CNKSR2: variants seen among roughly 807,000 people sequenced by gnomAD.
The protein encoded by CNKSR2 is connector enhancer of kinase suppressor of Ras 2.
In CNKSR2, 14 loss-of-function variants were observed where a neutral mutation model predicts 84.4. The ratio of observed to expected loss-of-function variants is 0.17; its 90% CI spans 0.11 to 0.26. The LOEUF (loss-of-function observed/expected upper bound fraction) is 0.26. CNKSR2 is among the 10% of genes least tolerant of loss of function. The probability of loss-of-function intolerance (pLI) is 1.00; values close to 1 mark genes in which losing one functional copy is unlikely to be tolerated. For synonymous variants in CNKSR2, 275 were observed against 277.9 expected (o/e 0.99, Z 0.10); for missense variants, 485 against 771.2 (o/e 0.63, Z 4.40).
rs370035060 is a variant in CNKSR2, at chrX:21,441,590, A to G, written c.519+809A>G. On this transcript the variant is annotated intron_variant, in intron 4 of 21. Coordinates refer to ENST00000379510, the MANE Select transcript of CNKSR2 (RefSeq NM_014927.5). Reference sequence around the variant, plus strand: ...TTGCCAAAGGAACACAGCTTAGACAAATACTGAAATTATACTTTAAAATAA... The same window carrying G: ...TTGCCAAAGGAACACAGCTTAGACAGATACTGAAATTATACTTTAAAATAA... Among the ~76,000 whole-genome samples the G allele has an allele frequency of 1.2e-4, 13 of 112,048 alleles. 1 individual carries two copies. The East Asian group carries it at 2.0e-3, about 17-fold the overall frequency.
chrX:21,606,831 A>G lies in CNKSR2; in HGVS notation c.2097A>G (p.Lys699=). Residue 699 remains lysine, a synonymous_variant, in exon 19 of 22, where the codon AAA becomes AAG. Coordinates refer to ENST00000379510, the MANE Select transcript of CNKSR2 (RefSeq NM_014927.5). ...KEEADTPSTP[K]QDSPPPPYDT... ...AAGCAGATACTCCATCAACACCAAA[A>G]CAAGATAGCCCTCCACCCCCATATG... 8.3e-7 allele frequency: 1 copy of G among 1,203,675 alleles called. No homozygotes were observed. The highest frequency in any genetic ancestry group is 1.1e-6 in the Non-Finnish European group (1 of 889,202).
chrX:21,482,961 A>G (rs2091337762), intron 5 of CNKSR2, among the ~76,000 whole-genome samples: 1 of 112,078 alleles, frequency 8.9e-6, no homozygotes, highest in Non-Finnish European at 1.9e-5. Context: ...TTCTCAAGCT[A>G]TTTGAAAATC....
intron 1 of CNKSR2, among the ~76,000 whole-genome samples, chrX:21,388,463 C>T (rs750050316): frequency 4.5e-5 from 5 of 111,231 alleles, no homozygotes; most frequent in East Asian, 2.8e-4. Context: ...AGGGAATATG[C>T]GAGAAGAGCC....
chrX:21,477,316 T>C (rs1238829088), intron 5 of CNKSR2, among the ~76,000 whole-genome samples: 1 of 111,984 alleles, frequency 8.9e-6, no homozygotes, highest in Non-Finnish European at 1.9e-5. Context: ...CAAATGCCTA[T>C]TTTATTATTT....
chrX:21,462,096 A>G (rs2091068275), intron 4 of CNKSR2, among the ~76,000 whole-genome samples: 1 of 111,403 alleles, frequency 9.0e-6, no homozygotes, highest in Non-Finnish European at 1.9e-5. Context: ...GTATTTTGAT[A>G]GGGATTGCAT....
At chrX:21,409,320 T>G (rs1271989281) in intron 1 of CNKSR2, among the ~76,000 whole-genome samples, 2 of 92,146 alleles carry the variant, frequency 2.2e-5, no homozygotes, top group Non-Finnish European at 4.3e-5. Flanking sequence ...TAGTCAAGGT[T>G]TGCTATCCAC....
At chrX:21,508,015 TA>T (rs1273279998) in intron 8 of CNKSR2, among the ~76,000 whole-genome samples, 2 of 112,106 alleles carry the variant, frequency 1.8e-5, no homozygotes, top group Non-Finnish European at 3.8e-5. Context: ...AATATCTTCA[TA>T]AAAAAATTAG....
At chrX:21,379,385 C>G (rs1223834655) in intron 1 of CNKSR2, among the ~76,000 whole-genome samples, 3 of 111,785 alleles carry the variant, frequency 2.7e-5, no homozygotes, top group African/African-American at 9.7e-5. Context: ...CTTTTGAAAA[C>G]TTAGGGTTTT....
intron 4 of CNKSR2, among the ~76,000 whole-genome samples, chrX:21,450,155 A>T (rs955111457): frequency 9.0e-6 from 1 of 110,978 alleles, no homozygotes; most frequent in African/African-American, 3.3e-5. Context: ...GGTAGGTTTC[A>T]GTGGGGGACA....
At chrX:21,429,269 ATG>A (rs1251619070) in intron 2 of CNKSR2, 1 of 112,136 alleles carries the variant, frequency 8.9e-6, no homozygotes, top group East Asian at 2.8e-4. Context: ...AGTAACATAT[ATG>A]ACAAACACAG....
intron 11 of CNKSR2, among the ~76,000 whole-genome samples, chrX:21,552,153 A>G (rs1196714571): frequency 9.0e-6 from 1 of 111,137 alleles, no homozygotes; most frequent in Non-Finnish European, 1.9e-5. Context: ...AAATAGGGCT[A>G]TTCATGTTAG....
At chrX:21,472,939 C>T (rs2091216229) in intron 5 of CNKSR2, among the ~76,000 whole-genome samples, 1 of 109,614 alleles carries the variant, frequency 9.1e-6, no homozygotes, top group African/African-American at 3.3e-5. Flanking sequence ...TAAGTAATAG[C>T]CAAATTTTAA....
At chrX:21,516,406 A>C in intron 8 of CNKSR2, 79 bp from the exon 9 acceptor site, 1 of 1,003,317 alleles carries the variant, frequency 1.0e-6, no homozygotes. Flanking sequence ...TTTTTTTACT[A>C]ATCTTATTAA....
intron 20 of CNKSR2, among the ~76,000 whole-genome samples, chrX:21,617,187 G>A (rs1210204110): frequency 9.0e-6 from 1 of 111,239 alleles, no homozygotes; most frequent in Non-Finnish European, 1.9e-5. Flanking sequence ...TCAAAAAAAA[G>A]CAAATCACTT....
chrX:21,412,287 C>T (rs1347263642), intron 1 of CNKSR2, among the ~76,000 whole-genome samples: 1 of 112,025 alleles, frequency 8.9e-6, no homozygotes, highest in Non-Finnish European at 1.9e-5. Context: ...TCCTCTTGCC[C>T]GTGGGCAAGT....
At chrX:21,415,833 T>TACATATATAC (rs1295643561) in intron 1 of CNKSR2, among the ~76,000 whole-genome samples, 3 of 88,214 alleles carry the variant, frequency 3.4e-5, no homozygotes, top group Non-Finnish European at 6.5e-5. Flanking sequence ...TATACATATA[T>TACATATATAC]ACACACACAC....
At chrX:21,633,958 A>T (rs2092658780) in intron 20 of CNKSR2, among the ~76,000 whole-genome samples, 1 of 112,475 alleles carries the variant, frequency 8.9e-6, no homozygotes, top group Non-Finnish European at 1.9e-5. Flanking sequence ...CTAAGATTGA[A>T]TATGAAAACT....
chrX:21,609,358 A>G lies in CNKSR2; in HGVS notation c.2433A>G (p.Pro811=), dbSNP rs772118879. The G allele has an allele frequency of 1.7e-6, 2 of 1,211,902 alleles. No individual in the cohort carries two copies. The highest frequency in any genetic ancestry group is 4.3e-5 in the Admixed American group (2 of 46,070). ...SPEHRRQSTL[P]TQKCHLQDHY... is the part of the protein sequence containing the mutation. ...AGCACAGGCGGCAGTCTACCCTGCC[A>G]ACTCAGAAATGCCACCTGCAGGATC... Residue 811 remains proline, a synonymous_variant, in exon 20 of 22, where the codon CCA becomes CCG. Coordinates refer to ENST00000379510, the MANE Select transcript of CNKSR2 (RefSeq NM_014927.5).
At chrX:21,631,270 G>A (rs1279840404) in intron 20 of CNKSR2, among the ~76,000 whole-genome samples, 1 of 110,725 alleles carries the variant, frequency 9.0e-6, no homozygotes, top group Admixed American at 9.6e-5. Flanking sequence ...TGTGAGCTGT[G>A]ATCACACCAC....
Sources: gnomAD v4.1 joint callset for allele counts (sites outside exome capture counted in the v4.1 genomes callset) on GRCh38, gnomAD v4.1.1 for gene constraint, MANE v1.5 for transcripts, NCBI Gene and HGNC (gene_info 2026-07-23, HGNC 2026-07-21) for gene names.